DLG2: variants seen among roughly 807,000 people sequenced by gnomAD.
DLG2 encodes disks large homolog 2.
In DLG2, 45 loss-of-function variants were observed where a neutral mutation model predicts 132.5. The observed-to-expected ratio is 0.34, with a 90% confidence interval of 0.27 to 0.44. DLG2 has a LOEUF of 0.44. DLG2 is among the 20% of genes least tolerant of loss of function. DLG2 has a pLI of 1.00. For synonymous variants in DLG2, 424 were observed against 419.6 expected (o/e 1.01, Z -0.13); for missense variants, 1,045 against 1,196.9 (o/e 0.87, Z 1.87).
chr11:83,857,261 G>A (rs1161564861), intron 16 of DLG2, among the ~76,000 whole-genome samples: 1 of 152,122 alleles, frequency 6.6e-6, no homozygotes, highest in Non-Finnish European at 1.5e-5. Flanking sequence ...GATGTCTCCA[G>A]CTTTGTTCCT....
At chr11:85,286,842 G>A (rs1227639365) in intron 3 of DLG2, among the ~76,000 whole-genome samples, 2 of 152,086 alleles carry the variant, frequency 1.3e-5, no homozygotes, top group Admixed American at 1.3e-4. Flanking sequence ...ACTGGGGCAG[G>A]AGACATAAGA....
intron 3 of DLG2, among the ~76,000 whole-genome samples, chr11:85,335,371 T>G (rs993518447): frequency 2.6e-5 from 4 of 152,160 alleles, no homozygotes; most frequent in Admixed American, 6.5e-5. Context: ...CTTTATCCAA[T>G]TTGCCACTCT....
At chr11:84,533,521 T>C (rs2099347752) in intron 7 of DLG2, among the ~76,000 whole-genome samples, 1 of 152,190 alleles carries the variant, frequency 6.6e-6, no homozygotes, top group South Asian at 2.1e-4. Context: ...GTAGTAGCTA[T>C]AGCTAATTTA....
intron 8 of DLG2, among the ~76,000 whole-genome samples, chr11:84,167,229 G>GA (rs1422346481): frequency 1.3e-5 from 2 of 152,198 alleles, no homozygotes; most frequent in Non-Finnish European, 2.9e-5. Flanking sequence ...CTGGTGGCCA[G>GA]AAAATCAAAC....
At chr11:84,476,688 T>A (rs2099122520) in intron 7 of DLG2, among the ~76,000 whole-genome samples, 1 of 152,204 alleles carries the variant, frequency 6.6e-6, no homozygotes, top group African/African-American at 2.4e-5. Flanking sequence ...GCCTTTGGAA[T>A]TCAACCTTTA....
At chr11:85,472,650 T>C (rs908374653) in intron 3 of DLG2, among the ~76,000 whole-genome samples, 3 of 152,192 alleles carry the variant, frequency 2.0e-5, no homozygotes, top group African/African-American at 4.8e-5. Flanking sequence ...CACTCTTTGG[T>C]TATCCTTGTA....
chr11:84,534,744 A>AAAAG lies in DLG2; in HGVS notation c.358-17_358-14dup, dbSNP rs2099351153. ...GATATCGATACTTCTAGGAGAAAAG[A>AAAAG]AAAGAAAGGACAAGTATGTATATAT... On this transcript the variant is annotated splice_polypyrimidine_tract_variant and intron_variant, in intron 6 of 27. Transcript: ENST00000376104. 1 of 1,613,586 alleles carries AAAAG rather than the reference A, an allele frequency of 6.2e-7. No individual in the cohort carries two copies. The highest frequency in any genetic ancestry group is 8.5e-7 in the Non-Finnish European group (1 of 1,179,616).
At chr11:84,478,051 A>T (rs187413959) in intron 7 of DLG2, among the ~76,000 whole-genome samples, 79 of 152,284 alleles carry the variant, frequency 5.2e-4, no homozygotes, top group Admixed American at 9.8e-4. Context: ...ACAGCTAGTA[A>T]ATGCAAAGAT....
intron 14 of DLG2, among the ~76,000 whole-genome samples, chr11:83,951,152 T>C (rs977693320): frequency 6.6e-6 from 1 of 152,128 alleles, no homozygotes; most frequent in Non-Finnish European, 1.5e-5. Flanking sequence ...AGCATTTCCA[T>C]ATACAGCTGA....
intron 5 of DLG2, among the ~76,000 whole-genome samples, chr11:85,119,282 G>A (rs771844764): frequency 4.0e-5 from 6 of 151,792 alleles, no homozygotes; most frequent in Non-Finnish European, 8.8e-5. Context: ...TGAAATCATT[G>A]GTTATAAATA....
intron 9 of DLG2, among the ~76,000 whole-genome samples, chr11:84,149,566 A>G (rs952744580): frequency 6.6e-6 from 1 of 151,936 alleles, no homozygotes; most frequent in Non-Finnish European, 1.5e-5. Flanking sequence ...ATGCTGTTTC[A>G]TTGGTCTATG....
intron 3 of DLG2, among the ~76,000 whole-genome samples, chr11:85,499,714 C>A (rs1348785772): frequency 6.6e-6 from 1 of 152,092 alleles, no homozygotes; most frequent in Non-Finnish European, 1.5e-5. Context: ...ACTGGCAAAC[C>A]AAATCCAGCA....
intron 10 of DLG2, among the ~76,000 whole-genome samples, chr11:84,069,031 A>G (rs1424987958): frequency 6.6e-6 from 1 of 152,226 alleles, no homozygotes; most frequent in Non-Finnish European, 1.5e-5. Context: ...AGCCAAGCCA[A>G]GTAACAAAAT....
At chr11:83,846,881 G>A (rs1024866122) in intron 16 of DLG2, among the ~76,000 whole-genome samples, 1 of 131,774 alleles carries the variant, frequency 7.6e-6, no homozygotes, top group Non-Finnish European at 1.6e-5. Flanking sequence ...CCAATTTTAT[G>A]TTGCTCCACA....
intron 7 of DLG2, among the ~76,000 whole-genome samples, chr11:84,501,912 G>T (rs1054125397): frequency 6.6e-6 from 1 of 152,000 alleles, no homozygotes; most frequent in Non-Finnish European, 1.5e-5. Flanking sequence ...ATGCCCAGAA[G>T]ACTTCTAGTT....
chr11:84,365,130 TC>T (rs2098674072), intron 7 of DLG2, among the ~76,000 whole-genome samples: 2 of 152,132 alleles, frequency 1.3e-5, no homozygotes, highest in Admixed American at 6.6e-5. Flanking sequence ...CGGCTGTGAA[TC>T]CATCTGGTCC....
chr11:85,539,392 C>T (rs1243340420), intron 3 of DLG2, among the ~76,000 whole-genome samples: 1 of 152,168 alleles, frequency 6.6e-6, no homozygotes, highest in Non-Finnish European at 1.5e-5. Context: ...CATTAATCTT[C>T]CTTTGTCTGT....
intron 3 of DLG2, among the ~76,000 whole-genome samples, chr11:85,473,397 G>C (rs1254959136): frequency 1.3e-5 from 2 of 151,996 alleles, no homozygotes; most frequent in African/African-American, 4.8e-5. Flanking sequence ...AAAAGCAGAA[G>C]GAAATAAAAA....
chr11:85,425,837 G>T (rs1597228250), intron 3 of DLG2, among the ~76,000 whole-genome samples: 1 of 152,174 alleles, frequency 6.6e-6, no homozygotes, highest in Non-Finnish European at 1.5e-5. Flanking sequence ...AGCAGGGCAA[G>T]GCATCGCCTC....
Sources: allele counts gnomAD v4.1 joint callset (sites outside exome capture counted in the v4.1 genomes callset), GRCh38; gene constraint gnomAD v4.1.1; transcripts MANE v1.5; gene names NCBI Gene and HGNC (gene_info 2026-07-23, HGNC 2026-07-21).